Variants in DTNBP1 observed in about 807,000 individuals in gnomAD.
DTNBP1 encodes the protein dystrobrevin binding protein 1, also known as dysbindin.
A neutral mutation model predicts 42.8 loss-of-function variants in DTNBP1; 35 were observed. The ratio of observed to expected loss-of-function variants is 0.82; its 90% CI spans 0.63 to 1.09. The LOEUF is 1.09. DTNBP1 is among the 50% of genes least tolerant of loss of function. The probability of loss-of-function intolerance (pLI) is 0.00; values close to 1 mark genes in which losing one functional copy is unlikely to be tolerated. For synonymous variants in DTNBP1, 171 were observed against 162.2 expected (o/e 1.05, Z -0.41); for missense variants, 457 against 424.2 (o/e 1.08, Z -0.68).
chr6:15,654,783 T>C (rs1761190865), intron 1 of DTNBP1, among the ~76,000 whole-genome samples: 1 of 152,244 alleles, frequency 6.6e-6, no homozygotes, highest in African/African-American at 2.4e-5. Flanking sequence ...CCAAATTTAA[T>C]GTGTGAAACT....
chr6:15,658,249 A>C (rs1473858359), intron 1 of DTNBP1, among the ~76,000 whole-genome samples: 1 of 152,124 alleles, frequency 6.6e-6, no homozygotes, highest in Non-Finnish European at 1.5e-5. Context: ...CTTAATAGGA[A>C]CTCTGTAGAT....
intron 9 of DTNBP1, chr6:15,523,799 C>T (rs1275704108): frequency 7.8e-7 from 1 of 1,287,112 alleles, no homozygotes; most frequent in East Asian, 5.5e-5. Flanking sequence ...CAAGCTCCTT[C>T]TCTTCCCCAG....
At chr6:15,527,407 A>G (rs1239412381) in intron 8 of DTNBP1, among the ~76,000 whole-genome samples, 1 of 152,250 alleles carries the variant, frequency 6.6e-6, no homozygotes, top group African/African-American at 2.4e-5. Flanking sequence ...ACTTTCACAC[A>G]TCTAATTATT....
At chr6:15,633,389 G>A (rs920557077) in intron 4 of DTNBP1, among the ~76,000 whole-genome samples, 3 of 152,306 alleles carry the variant, frequency 2.0e-5, no homozygotes, top group Admixed American at 2.0e-4. Context: ...CAACATTCAT[G>A]ACTCATGGGA....
At chr6:15,662,709 A>T (rs1052558839) in intron 1 of DTNBP1, 105 bp downstream of exon 1, 1 of 1,492,590 alleles carries the variant, frequency 6.7e-7, no homozygotes, top group East Asian at 2.3e-5. Context: ...GGTGCGGGAC[A>T]GGACGGACCC....
intron 8 of DTNBP1, among the ~76,000 whole-genome samples, chr6:15,527,507 G>A (rs1176701250): frequency 6.6e-6 from 1 of 152,162 alleles, no homozygotes. Flanking sequence ...AAAATTTGTA[G>A]GATTCAGCTA....
At chr6:15,635,397 G>A (rs1482421000) in intron 4 of DTNBP1, among the ~76,000 whole-genome samples, 1 of 152,142 alleles carries the variant, frequency 6.6e-6, no homozygotes, top group Non-Finnish European at 1.5e-5. Context: ...GGGATTACAG[G>A]TGTGAGCCAC....
intron 1 of DTNBP1, among the ~76,000 whole-genome samples, chr6:15,653,373 T>C (rs763324699): frequency 4.6e-5 from 7 of 152,224 alleles, no homozygotes; most frequent in Non-Finnish European, 1.0e-4. Flanking sequence ...TGGGCTCTTA[T>C]GTCTACCTTT....
chr6:15,579,534 G>A (rs931261593), intron 7 of DTNBP1, among the ~76,000 whole-genome samples: 2 of 152,180 alleles, frequency 1.3e-5, no homozygotes, highest in Non-Finnish European at 2.9e-5. Flanking sequence ...GGCCAGGTAC[G>A]GTGGCTGACG....
intron 7 of DTNBP1, among the ~76,000 whole-genome samples, chr6:15,573,739 G>A (rs908392863): frequency 7.9e-5 from 12 of 152,144 alleles, no homozygotes; most frequent in Admixed American, 1.3e-4. Flanking sequence ...AAGGAGTCTT[G>A]TTCTGTCACC....
intron 6 of DTNBP1, among the ~76,000 whole-genome samples, chr6:15,596,066 T>C (rs1776504612): frequency 6.6e-6 from 1 of 152,150 alleles, no homozygotes; most frequent in South Asian, 2.1e-4. Flanking sequence ...GAAGAGCTAA[T>C]TAATACTTGG....
chr6:15,582,389 G>T (rs1775880307), intron 7 of DTNBP1, among the ~76,000 whole-genome samples: 1 of 152,120 alleles, frequency 6.6e-6, no homozygotes, highest in East Asian at 1.9e-4. Flanking sequence ...GGGTTGTTTT[G>T]ATACTACTTG....
intron 7 of DTNBP1, among the ~76,000 whole-genome samples, chr6:15,585,439 A>C (rs1473647452): frequency 6.9e-6 from 1 of 144,896 alleles, no homozygotes; most frequent in Admixed American, 6.9e-5. Context: ...GAAAAGACAC[A>C]TATTGTAAAA....
chr6:15,613,177 T>C (rs932744117), intron 6 of DTNBP1, among the ~76,000 whole-genome samples: 5 of 151,530 alleles, frequency 3.3e-5, no homozygotes. Context: ...GGCGTGGTGG[T>C]GTGAGCCTGT....
chr6:15,527,383 T>C (rs1044558667), intron 8 of DTNBP1, among the ~76,000 whole-genome samples: 2 of 152,216 alleles, frequency 1.3e-5, no homozygotes, highest in African/African-American at 2.4e-5. Flanking sequence ...TAGAAATTGG[T>C]AACTGCTAGG....
At chr6:15,649,045 C>G (rs1760843923) in intron 3 of DTNBP1, among the ~76,000 whole-genome samples, 1 of 151,956 alleles carries the variant, frequency 6.6e-6, no homozygotes, top group Admixed American at 6.5e-5. Context: ...AAATTAGAAC[C>G]TTTATACAAT....
intron 1 of DTNBP1, among the ~76,000 whole-genome samples, chr6:15,654,711 T>C (rs2743855): frequency 4.6e-5 from 7 of 152,116 alleles, no homozygotes; most frequent in African/African-American, 1.7e-4. Flanking sequence ...TGTTGGAAGA[T>C]TCAACAAAAG....
At chr6:15,565,132 A>AT (rs1487156329) in intron 7 of DTNBP1, among the ~76,000 whole-genome samples, 1 of 152,212 alleles carries the variant, frequency 6.6e-6, no homozygotes, top group Non-Finnish European at 1.5e-5. Flanking sequence ...ATTACATGGG[A>AT]TACCACATCA....
intron 6 of DTNBP1, among the ~76,000 whole-genome samples, chr6:15,599,516 C>G (rs980039973): frequency 6.6e-5 from 10 of 152,152 alleles, no homozygotes; most frequent in African/African-American, 1.9e-4. Context: ...ATCACTAAAT[C>G]TACAGAATTC....
Sources: allele counts gnomAD v4.1 joint callset (sites outside exome capture counted in the v4.1 genomes callset), GRCh38; gene constraint gnomAD v4.1.1; transcripts MANE v1.5; gene names NCBI Gene and HGNC (gene_info 2026-07-23, HGNC 2026-07-21).